Variants in FANCC observed in about 807,000 individuals in gnomAD.
FANCC encodes the protein FA complementation group C, also known as Fanconi anemia group C protein.
A neutral mutation model predicts 71.3 loss-of-function variants in FANCC; 55 were observed. That is an observed-to-expected ratio of 0.77 (90% CI 0.62 to 0.97). The LOEUF (loss-of-function observed/expected upper bound fraction) is 0.97, where lower values mean the gene tolerates loss of function less well. Ranked by LOEUF, FANCC falls within the 50% of genes least tolerant of loss-of-function variation. The pLI is 0.00. For synonymous variants in FANCC, 275 were observed against 244.9 expected (o/e 1.12, Z -1.15); for missense variants, 678 against 670.9 (o/e 1.01, Z -0.12).
intron 4 of FANCC, among the ~76,000 whole-genome samples, chr9:95,226,203 C>T (rs1465168897): frequency 1.3e-5 from 2 of 152,208 alleles, no homozygotes; most frequent in Admixed American, 1.3e-4. Flanking sequence ...ACCAATTCTG[C>T]TACCCTAATA....
At chr9:95,222,290 T>C (rs1195680147) in intron 4 of FANCC, among the ~76,000 whole-genome samples, 1 of 152,056 alleles carries the variant, frequency 6.6e-6, no homozygotes, top group African/African-American at 2.4e-5. Context: ...AACATACCAT[T>C]GGAACATTCT....
chr9:95,272,516 T>C (rs1465550567), intron 1 of FANCC, among the ~76,000 whole-genome samples: 1 of 152,004 alleles, frequency 6.6e-6, no homozygotes, highest in Non-Finnish European at 1.5e-5. Flanking sequence ...GCCAACACAG[T>C]GAAACCCTGT....
intron 4 of FANCC, among the ~76,000 whole-genome samples, chr9:95,201,897 T>C (rs1564747844): frequency 6.6e-6 from 1 of 152,222 alleles, no homozygotes; most frequent in Admixed American, 6.5e-5. Context: ...AGTACCTTAA[T>C]ACACTCCAAA....
rs550217342 is a variant in FANCC at position 95,206,764 on chromosome 9, C to T, written c.345+33885G>A. ...CAGTGATTAAACACACAGAAGAATA[C>T]CAAGAAACATAGCAGTTGTAAAAAT... is the stretch of plus-strand genomic sequence containing the variant. On this transcript the variant is annotated intron_variant, in intron 4 of 14. Transcript: ENST00000289081. Among the ~76,000 whole-genome samples the T allele has an allele frequency of 4.6e-5, 7 of 152,202 alleles. No individual in the cohort carries two copies. In the East Asian group the frequency reaches 1.4e-3, roughly 29 times the overall value.
chr9:95,101,185 C>A lies in FANCC; in HGVS notation c.*522G>T, dbSNP rs559405001. 3.9e-6 allele frequency: 1 copy of A among 253,174 alleles called. No homozygotes were observed. The highest frequency in any genetic ancestry group is 2.2e-5 in the African/African-American group (1 of 45,710). 15.7% of individuals were successfully genotyped at this position (253,174 alleles called of 1,614,324 possible). ...CCTGTCAGGCAGGTCCAGGGAGACA[C>A]AAGGGAAGCCTGAGGGACCCTGACT... On this transcript the variant is annotated 3_prime_UTR_variant, in exon 15 of 15. Transcript: ENST00000289081.
chr9:95,178,331 T>TA (rs953323960), intron 4 of FANCC, among the ~76,000 whole-genome samples: 5 of 152,236 alleles, frequency 3.3e-5, no homozygotes, highest in African/African-American at 1.2e-4. Context: ...TGTGCCAGAA[T>TA]AGCCCCTCAG....
intron 2 of FANCC, 68 bp downstream of exon 2, chr9:95,249,059 G>C: frequency 1.3e-6 from 2 of 1,556,822 alleles, no homozygotes; most frequent in Non-Finnish European, 1.8e-6. Context: ...GTGGCATTCT[G>C]TCTTGGTGAA....
chr9:95,183,382 T>C (rs1362740079), intron 4 of FANCC, among the ~76,000 whole-genome samples: 4 of 152,188 alleles, frequency 2.6e-5, no homozygotes, highest in African/African-American at 9.7e-5. Context: ...TTCACATTCC[T>C]ACCACAGCTG....
At chr9:95,285,796 T>G (rs564141469) in intron 1 of FANCC, among the ~76,000 whole-genome samples, 1 of 152,306 alleles carries the variant, frequency 6.6e-6, no homozygotes, top group Non-Finnish European at 1.5e-5. Flanking sequence ...TCAAAAAACT[T>G]TGAATGTGTT....
intron 4 of FANCC, among the ~76,000 whole-genome samples, chr9:95,181,167 G>GTGTGTT (rs1361039608): frequency 2.3e-5 from 1 of 43,138 alleles, no homozygotes; most frequent in Non-Finnish European, 4.3e-5. Context: ...CATTGTGTGT[G>GTGTGTT]TGTGTGTGTG....
chr9:95,226,099 A>G (rs1829594611), intron 4 of FANCC, among the ~76,000 whole-genome samples: 1 of 152,230 alleles, frequency 6.6e-6, no homozygotes, highest in Admixed American at 6.5e-5. Context: ...AAATGCTGAG[A>G]AAAAATTTTC....
intron 10 of FANCC, chr9:95,123,831 C>T (rs372471372): frequency 3.0e-5 from 20 of 660,098 alleles, no homozygotes; most frequent in East Asian, 1.5e-4. Context: ...TTTAGACCTG[C>T]GGATGCTGCC....
At chr9:95,312,545 T>C (rs1835470843) in intron 1 of FANCC, among the ~76,000 whole-genome samples, 1 of 152,168 alleles carries the variant, frequency 6.6e-6, no homozygotes, top group Admixed American at 6.5e-5. Context: ...AGAACAGGGG[T>C]TTTGCTATGT....
At chr9:95,291,324 C>A (rs955052135) in intron 1 of FANCC, among the ~76,000 whole-genome samples, 3 of 151,976 alleles carry the variant, frequency 2.0e-5, no homozygotes, top group African/African-American at 7.2e-5. Flanking sequence ...GAAAACCCTA[C>A]AAATTCCACT....
At chr9:95,226,910 G>T (rs910732457) in intron 4 of FANCC, among the ~76,000 whole-genome samples, 1 of 152,100 alleles carries the variant, frequency 6.6e-6, no homozygotes, top group East Asian at 1.9e-4. Flanking sequence ...AGCTACAAAG[G>T]TCCAGCCCTC....
intron 6 of FANCC, among the ~76,000 whole-genome samples, chr9:95,162,659 G>C (rs1263567528): frequency 2.0e-5 from 3 of 152,082 alleles, no homozygotes; most frequent in African/African-American, 7.2e-5. Context: ...CATTCTAATA[G>C]GTGTGAACTG....
In FANCC at chr9:95,249,264, A is replaced by G; in HGVS notation, c.28T>C (p.Cys10Arg). Residue 10 changes from cysteine (C) to arginine (R), a missense_variant, in exon 2 of 15, where the codon TGT (cysteine) becomes CGT (arginine). Cys to Arg is a radical substitution (Grantham distance 180). Transcript: ENST00000289081. MAQDSVDLS[C>R]DYQFWMQKLS... ...TTCTGCATCCAAAACTGATAATCAC[A>G]AGAAAGATCTACTGAATCTTGAGCC... The G allele has an allele frequency of 6.2e-7, 1 of 1,614,170 alleles. No individual in the cohort carries two copies.
At chr9:95,308,889 T>C (rs1211291924) in intron 1 of FANCC, among the ~76,000 whole-genome samples, 1 of 152,088 alleles carries the variant, frequency 6.6e-6, no homozygotes, top group African/African-American at 2.4e-5. Flanking sequence ...ATGCCTGTAG[T>C]CCCAGCTACT....
chr9:95,293,249 A>C (rs1834166530), intron 1 of FANCC: 2 of 1,612,858 alleles, frequency 1.2e-6, no homozygotes, highest in African/African-American at 1.3e-5. Context: ...GGCTTTGCTT[A>C]AACTACCCGT....
Sources: gnomAD v4.1 joint callset for allele counts (sites outside exome capture counted in the v4.1 genomes callset) on GRCh38, gnomAD v4.1.1 for gene constraint, MANE v1.5 for transcripts, NCBI Gene and HGNC (gene_info 2026-07-23, HGNC 2026-07-21) for gene names.